USP24: variants seen among roughly 807,000 people sequenced by gnomAD.
The protein encoded by USP24 is ubiquitin specific peptidase 24, also known as ubiquitin carboxyl-terminal hydrolase 24.
A neutral mutation model predicts 361.6 loss-of-function variants in USP24; 97 were observed. That is an observed-to-expected ratio of 0.27 (90% CI 0.23 to 0.32). The LOEUF is 0.32. Among genes scored for constraint, USP24 ranks in the 10% least tolerant of loss-of-function variants. USP24 has a pLI of 1.00. For missense variants in USP24, 2,353 were observed against 3,165.6 expected (o/e 0.74, Z 6.16); for synonymous variants, 1,098 against 1,124.6 (o/e 0.98, Z 0.47).
At chr1:55,158,528 C>A (rs774426846) in intron 10 of USP24, among the ~76,000 whole-genome samples, 63 of 152,258 alleles carry the variant, frequency 4.1e-4, no homozygotes, top group Admixed American at 2.4e-3. Flanking sequence ...TTTGTCCCAA[C>A]CCCAGTTAGA....
At position 55,066,476 on chromosome 1, in the gene USP24, A is replaced by G. The variant is rs1260548495; in HGVS notation, c.*2569T>C. 1.3e-5 allele frequency: 2 copies of G among 152,200 alleles called. No homozygotes were observed. Among genetic ancestry groups the G allele is most frequent in the Non-Finnish European group, 2.9e-5 (2 of 68,046 alleles). 9.4% of individuals were successfully genotyped at this position (152,200 alleles called of 1,614,324 possible). A position where few individuals can be genotyped will look rare whatever the true frequency, so the allele number is the denominator to read the frequency against. On this transcript the variant is annotated 3_prime_UTR_variant, in exon 68 of 68. Coordinates refer to ENST00000294383, the MANE Select transcript of USP24 (RefSeq NM_015306.3). ...TCTACTTCCTTTTGAAATTTTATAA[A>G]CAAGATTTTATACACAAGAGGTAGC...
In USP24 at chr1:55,134,036, T is replaced by C. The variant is rs765829787; in HGVS notation, c.3381+34A>G. Reference sequence around the variant, plus strand: ...TATTTTCACTCACTGAATTGTGATATAAAATTGCCATGCTAGTTAAAAAAT... The same window carrying C: ...TATTTTCACTCACTGAATTGTGATACAAAATTGCCATGCTAGTTAAAAAAT... On this transcript the variant is annotated intron_variant, in intron 30 of 67. Transcript: ENST00000294383. 12 of 1,551,358 alleles carry C rather than the reference T, an allele frequency of 7.7e-6. No homozygotes were observed. In the Admixed American group the frequency reaches 1.2e-4, roughly 15 times the overall value.
rs1021968506 is a variant in USP24, at chr1:55,098,173, A to G, written c.5454-89T>C. ...AATACCTAAGCTTGAACACAGAACT[A>G]CATTTTTAATCTGGGAGTCCCTCAA... On this transcript the variant is annotated intron_variant, in intron 46 of 67. Transcript: ENST00000294383. The G allele has an allele frequency of 4.3e-6, 6 of 1,379,454 alleles. No homozygotes were observed. The African/African-American group carries it at 4.4e-5, about 10-fold the overall frequency. The allele number at this position is 1,379,454 out of a possible 1,614,324, so 85.5% of individuals were successfully genotyped here.
At position 55,095,352 on chromosome 1, in the gene USP24, T is replaced by C. The variant is rs771319087; in HGVS notation, c.6106A>G (p.Met2036Val). The change falls in exon 51 of 68, where the codon ATG becomes GTG. Residue 2036 changes from methionine to valine, a missense_variant. Met to Val is a conservative substitution (Grantham distance 21). This residue lies in a region of USP24 where 598 missense variants were observed against 761.9 expected (regional missense o/e 0.78). Coordinates refer to ENST00000294383, the MANE Select transcript of USP24 (RefSeq NM_015306.3). The part of the protein sequence containing the change: ...DVRRRYWNAY[M>V]LFYQRVSDQN... The stretch of plus-strand genomic sequence containing the variant: ...TCAGACACCCTTTGGTAGAAAAGCA[T>C]ATAGGCATTCCAGTATCTTCGGCGC... 2 of 1,613,504 alleles carry C rather than the reference T, an allele frequency of 1.2e-6. No homozygotes were observed. The highest frequency in any genetic ancestry group is 2.2e-5 in the East Asian group (1 of 44,874).
At position 55,102,573 on chromosome 1, in the gene USP24, T is replaced by A. The variant is rs545046233; in HGVS notation, c.5026-870A>T. Among the ~76,000 whole-genome samples, 18 of 152,326 alleles carry A rather than the reference T, an allele frequency of 1.2e-4. No individual in the cohort carries two copies. The South Asian group carries it at 3.5e-3, about 30-fold the overall frequency. On this transcript the variant is annotated intron_variant, in intron 42 of 67. Transcript: ENST00000294383. ...CAAAAATGTATAGGTCTTCTAGATC[T>A]CAAGGAATTCCTAAGTATTACTTAC... is the stretch of plus-strand genomic sequence containing the variant.
At chr1:55,113,023 CTTCT>C (rs1384150054) in intron 38 of USP24, among the ~76,000 whole-genome samples, 1 of 152,026 alleles carries the variant, frequency 6.6e-6, no homozygotes, top group Non-Finnish European at 1.5e-5. Flanking sequence ...GTGTAATGCC[CTTCT>C]TTGTCTTTTT....
chr1:55,190,836 A>G (rs1346358698), intron 1 of USP24, among the ~76,000 whole-genome samples: 1 of 152,176 alleles, frequency 6.6e-6, no homozygotes, highest in Non-Finnish European at 1.5e-5. Context: ...ACAGTTGAAG[A>G]AGTTTAAAGG....
rs372106867 is a variant in USP24 at position 55,123,441 on chromosome 1, G to A, written c.4276+6C>T. 67 of 1,580,208 alleles carry A rather than the reference G, an allele frequency of 4.2e-5. No homozygotes were observed. Among genetic ancestry groups the A allele is most frequent in the Non-Finnish European group, 5.6e-5 (65 of 1,162,870 alleles). On this transcript the variant is annotated splice_donor_region_variant and intron_variant, in intron 36 of 67. Transcript: ENST00000294383. ...GAGATTAATCACAAACAAGCCTCCAGCATACCCAGTTGCTGGCTCCGAAGC... is the reference window on the plus strand; with the variant it reads ...GAGATTAATCACAAACAAGCCTCCAACATACCCAGTTGCTGGCTCCGAAGC...
intron 45 of USP24, 134 bp from the exon 46 acceptor site, chr1:55,098,692 A>T: frequency 1.5e-6 from 1 of 673,730 alleles, no homozygotes; most frequent in Non-Finnish European, 2.7e-6. Flanking sequence ...TGGTGAATGG[A>T]GGCTAAACCC....
intron 1 of USP24, among the ~76,000 whole-genome samples, chr1:55,207,214 C>G (rs1300112444): frequency 5.3e-5 from 8 of 150,776 alleles, no homozygotes; most frequent in African/African-American, 2.0e-4. Context: ...TATAGATTAC[C>G]AACTATAGTT....
chr1:55,140,018 T>C (rs975532083), intron 24 of USP24, among the ~76,000 whole-genome samples: 1 of 150,176 alleles, frequency 6.7e-6, no homozygotes, highest in Non-Finnish European at 1.5e-5. Context: ...CCACCCCAAG[T>C]TGGAACAATT....
At chr1:55,119,573 TACC>T (rs949627992) in intron 38 of USP24, among the ~76,000 whole-genome samples, 3 of 152,134 alleles carry the variant, frequency 2.0e-5, no homozygotes, top group Admixed American at 6.6e-5. Context: ...TATGTATATT[TACC>T]ACAATAAAAA....
chr1:55,162,573 G>T (rs1037280649), intron 7 of USP24, among the ~76,000 whole-genome samples: 2 of 152,088 alleles, frequency 1.3e-5, no homozygotes, highest in Non-Finnish European at 2.9e-5. Context: ...AAAAAGGAGA[G>T]AATAGCTGAG....
intron 16 of USP24, among the ~76,000 whole-genome samples, chr1:55,150,869 T>C (rs1268723802): frequency 6.6e-6 from 1 of 152,216 alleles, no homozygotes; most frequent in Non-Finnish European, 1.5e-5. Context: ...TCTGATAATG[T>C]CACAGAGTGG....
intron 28 of USP24, 132 bp from the exon 29 acceptor site, chr1:55,134,545 G>A (rs1193339458): frequency 1.4e-6 from 1 of 731,368 alleles, no homozygotes; most frequent in African/African-American, 1.8e-5. Context: ...GGGAAGCACA[G>A]TGCTCGTCTG....
intron 1 of USP24, among the ~76,000 whole-genome samples, chr1:55,206,332 T>C (rs1373309255): frequency 6.6e-6 from 1 of 152,044 alleles, no homozygotes; most frequent in African/African-American, 2.4e-5. Flanking sequence ...TGGGAGAGTG[T>C]AGTGGTGTAA....
In USP24 at chr1:55,124,561, G is replaced by A. The variant is rs375891425; in HGVS notation, c.4028C>T (p.Ala1343Val). Residue 1343 changes from alanine (A) to valine (V), a missense_variant, in exon 35 of 68, where the codon GCA (alanine) becomes GTA (valine). Ala to Val is a moderately conservative substitution (Grantham distance 64). Around this residue, in one of 8 missense-constraint regions of USP24, gnomAD observed 949 missense variants for 1,280.5 expected, o/e 0.74. Coordinates refer to ENST00000294383, the MANE Select transcript of USP24 (RefSeq NM_015306.3). ...CFMRLSWAAA[A>V]GRLDLVGSSQ... ...ACTCCCAACAAGATCAAGCCGTCCT[G>A]CAGCCGCAGCCCATGACAATCTCAT... 1 of 1,613,790 alleles carries A rather than the reference G, an allele frequency of 6.2e-7. No homozygotes were observed. The highest frequency in any genetic ancestry group is 1.3e-5 in the African/African-American group (1 of 74,924).
rs1471622385 is a variant in USP24, at chr1:55,125,677, A to G, written c.3717T>C (p.Cys1239=). Residue 1239 remains cysteine, a synonymous_variant, in exon 33 of 68, where the codon TGT becomes TGC. Coordinates refer to ENST00000294383, the MANE Select transcript of USP24 (RefSeq NM_015306.3). ...TATTTACATACCTTGCAAGCTGTAG[A>G]CAGATGGAATAAACACCCTGCCTTG... ...YETRQGVYSI[C]LQLARFLLVG... is the part of the protein sequence containing the mutation. 5.6e-6 allele frequency: 9 copies of G among 1,595,136 alleles called. No individual in the cohort carries two copies. Among genetic ancestry groups the G allele is most frequent in the Non-Finnish European group, 6.8e-6 (8 of 1,169,850 alleles).
At chr1:55,125,608 T>A in intron 33 of USP24, 55 bp downstream of exon 33, 1 of 1,578,532 alleles carries the variant, frequency 6.3e-7, no homozygotes, top group Non-Finnish European at 8.6e-7. Flanking sequence ...AAACATGATT[T>A]GCGAAGAAAA....
Sources: gnomAD v4.1 joint callset for allele counts (sites outside exome capture counted in the v4.1 genomes callset) on GRCh38, gnomAD v4.1.1 for gene constraint, gnomAD v4.1.1 regional missense constraint, MANE v1.5 for transcripts, NCBI Gene and HGNC (gene_info 2026-07-23, HGNC 2026-07-21) for gene names.